Variants in GPC6 observed in about 807,000 individuals in gnomAD.
GPC6 encodes the protein glypican-6.
In GPC6, 14 loss-of-function variants were observed where a neutral mutation model predicts 55.2. The observed-to-expected ratio is 0.25, with a 90% CI of 0.17 to 0.40. The LOEUF is 0.40. Ranked by LOEUF, GPC6 falls within the 10% of genes least tolerant of loss-of-function variation. The probability of loss-of-function intolerance (pLI) is 1.00; values close to 1 mark genes in which losing one functional copy is unlikely to be tolerated. For missense variants in GPC6, 641 were observed against 708.5 expected (o/e 0.90, Z 1.08); for synonymous variants, 278 against 259.6 (o/e 1.07, Z -0.68).
intron 4 of GPC6, among the ~76,000 whole-genome samples, chr13:94,101,567 A>C (rs1452049629): frequency 6.6e-6 from 1 of 152,176 alleles, no homozygotes; most frequent in African/African-American, 2.4e-5. Flanking sequence ...AATGATTTAG[A>C]TATTCTCCTT....
intron 4 of GPC6, among the ~76,000 whole-genome samples, chr13:94,050,724 CAGG>C (rs1487603301): frequency 3.3e-5 from 5 of 152,116 alleles, no homozygotes; most frequent in Non-Finnish European, 5.9e-5. Context: ...GGAGATAGGA[CAGG>C]AGAAGTAGCA....
chr13:94,126,729 A>C (rs1886832167), intron 4 of GPC6, among the ~76,000 whole-genome samples: 1 of 142,968 alleles, frequency 7.0e-6, no homozygotes, highest in Non-Finnish European at 1.6e-5. Context: ...TTCTTCCTTA[A>C]TGTTTTTGGA....
chr13:93,370,255 A>G (rs1475467078), intron 1 of GPC6, among the ~76,000 whole-genome samples: 1 of 152,140 alleles, frequency 6.6e-6, no homozygotes, highest in Non-Finnish European at 1.5e-5. Flanking sequence ...GAAATGTTAA[A>G]AATTCATGCA....
chr13:93,424,526 G>A (rs17188977), intron 1 of GPC6, among the ~76,000 whole-genome samples: 31,271 of 151,966 alleles, frequency 0.21, 3,422 homozygotes, highest in Middle Eastern at 0.28. Flanking sequence ...GCAACATGGA[G>A]GAGTTGGCCT....
chr13:93,838,638 T>C (rs545037135), intron 3 of GPC6, among the ~76,000 whole-genome samples: 6 of 152,224 alleles, frequency 3.9e-5, no homozygotes, highest in Middle Eastern at 6.8e-3. Flanking sequence ...GGCAGGGAGC[T>C]GATAAACTGG....
In GPC6 at chr13:93,974,028, G is replaced by A. The variant is rs116453303; in HGVS notation, c.712-53701G>A. 1.9e-3 allele frequency among the ~76,000 whole-genome samples: 288 copies of A among 152,278 alleles called. 4 individuals are homozygous for A. The highest frequency in any genetic ancestry group is 4.9e-3 in the Admixed American group (75 of 15,292). On this transcript the variant is annotated intron_variant, in intron 3 of 8. Transcript: ENST00000377047. ...GCCCTGGAGTATTCTAGCTTTCAGA[G>A]GAGCTTTTCTTCTAATTGCTTAAAC...
intron 6 of GPC6, among the ~76,000 whole-genome samples, chr13:94,372,221 G>A (rs529779688): frequency 2.0e-5 from 3 of 152,150 alleles, no homozygotes; most frequent in Admixed American, 6.5e-5. Context: ...CAAGATGGCC[G>A]AATAGGAACA....
At chr13:93,966,080 A>C (rs1023560677) in intron 3 of GPC6, among the ~76,000 whole-genome samples, 3 of 152,170 alleles carry the variant, frequency 2.0e-5, no homozygotes, top group Admixed American at 2.0e-4. Context: ...GGGGAAAATT[A>C]TTCCACTGAG....
chr13:93,869,566 G>A (rs954070280), intron 3 of GPC6, among the ~76,000 whole-genome samples: 14 of 151,852 alleles, frequency 9.2e-5, no homozygotes, highest in African/African-American at 3.4e-4. Flanking sequence ...TGCTTCATAA[G>A]GAGTTCACCT....
chr13:94,035,221 A>G (rs1883293686), intron 4 of GPC6, among the ~76,000 whole-genome samples: 1 of 152,092 alleles, frequency 6.6e-6, no homozygotes, highest in South Asian at 2.1e-4. Flanking sequence ...TTTCACTGTC[A>G]TGTTTTCAAG....
At chr13:93,889,987 G>A (rs1164784764) in intron 3 of GPC6, among the ~76,000 whole-genome samples, 3 of 151,756 alleles carry the variant, frequency 2.0e-5, no homozygotes, top group Non-Finnish European at 4.4e-5. Context: ...AAAATTCTAC[G>A]CAGGAAAAAA....
chr13:93,504,749 A>T (rs1249156406), intron 1 of GPC6, among the ~76,000 whole-genome samples: 1 of 151,904 alleles, frequency 6.6e-6, no homozygotes, highest in Non-Finnish European at 1.5e-5. Flanking sequence ...ATAATTATCT[A>T]AAAAAAACAA....
At position 93,767,370 on chromosome 13, in the gene GPC6, A is replaced by G. The variant is rs2138886766; in HGVS notation, c.320-62784A>G. Among the ~76,000 whole-genome samples, 2 of 152,300 alleles carry G rather than the reference A, an allele frequency of 1.3e-5. 1 individual carries two copies. The highest frequency in any genetic ancestry group is 4.1e-4 in the South Asian group (2 of 4,828). On this transcript the variant is annotated intron_variant, in intron 2 of 8. Coordinates refer to ENST00000377047, the MANE Select transcript of GPC6 (RefSeq NM_005708.5). ...CCACGGAAACTCACAAAAGTAGGGG[A>G]AAGATCAACTTGAGAGTATATTTTT...
At chr13:94,042,199 T>G (rs1373819606) in intron 4 of GPC6, among the ~76,000 whole-genome samples, 3 of 151,794 alleles carry the variant, frequency 2.0e-5, no homozygotes, top group African/African-American at 7.3e-5. Flanking sequence ...ATGTAAAATA[T>G]GCCTGCTTTC....
chr13:93,417,801 G>A (rs1434906535), intron 1 of GPC6, among the ~76,000 whole-genome samples: 1 of 151,776 alleles, frequency 6.6e-6, no homozygotes, highest in Non-Finnish European at 1.5e-5. Context: ...TCTATATATG[G>A]ATAAAAATCT....
intron 4 of GPC6, among the ~76,000 whole-genome samples, chr13:94,252,345 G>A (rs8002699): frequency 0.79 from 120,124 of 152,074 alleles, 48,063 homozygotes; most frequent in African/African-American, 0.9. Flanking sequence ...ATTGTTCGAC[G>A]ACCAGGTCAT....
At chr13:94,396,851 G>T (rs938569870) in intron 7 of GPC6, among the ~76,000 whole-genome samples, 2 of 152,172 alleles carry the variant, frequency 1.3e-5, no homozygotes, top group Non-Finnish European at 2.9e-5. Context: ...TTTTTGCACT[G>T]GGGCTCCAGA....
At chr13:94,054,801 C>T (rs1171657112) in intron 4 of GPC6, among the ~76,000 whole-genome samples, 1 of 152,126 alleles carries the variant, frequency 6.6e-6, no homozygotes, top group Admixed American at 6.6e-5. Context: ...TTATATTAAT[C>T]TGTCAGTGTA....
intron 4 of GPC6, among the ~76,000 whole-genome samples, chr13:94,216,853 T>A (rs185304916): frequency 6.6e-6 from 1 of 152,342 alleles, no homozygotes; most frequent in Non-Finnish European, 1.5e-5. Flanking sequence ...TGAGGGTCAC[T>A]TCATAAGGAC....
Sources: allele counts gnomAD v4.1 joint callset (sites outside exome capture counted in the v4.1 genomes callset), GRCh38; gene constraint gnomAD v4.1.1; transcripts MANE v1.5; gene names NCBI Gene and HGNC (gene_info 2026-07-23, HGNC 2026-07-21).